OTUD4: variants seen among roughly 807,000 people sequenced by gnomAD.
The protein encoded by OTUD4 is OTU deubiquitinase 4, also known as OTU domain-containing protein 4.
A neutral mutation model predicts 130.4 loss-of-function variants in OTUD4; 24 were observed. That is an observed-to-expected ratio of 0.18 (90% CI 0.13 to 0.26). The LOEUF is 0.26. Ranked by LOEUF, OTUD4 falls within the 10% of genes least tolerant of loss-of-function variation. The pLI is 1.00. For synonymous variants in OTUD4, 420 were observed against 472.5 expected (o/e 0.89, Z 1.44); for missense variants, 1,031 against 1,329.4 (o/e 0.78, Z 3.49).
intron 3 of OTUD4, among the ~76,000 whole-genome samples, chr4:145,167,937 C>T (rs1446461831): frequency 6.6e-6 from 1 of 151,974 alleles, no homozygotes; most frequent in African/African-American, 2.4e-5. Flanking sequence ...TGATACGTAA[C>T]CTTCAGAATA....
chr4:145,139,280 G>A (rs1292078947), intron 20 of OTUD4, among the ~76,000 whole-genome samples: 2 of 152,092 alleles, frequency 1.3e-5, no homozygotes, highest in Non-Finnish European at 2.9e-5. Flanking sequence ...AAATAATCAA[G>A]TTTCTTTTTA....
rs542774005 is a variant in OTUD4 at position 145,136,591 on chromosome 4, G to A, written c.*839C>T. The A allele has an allele frequency of 6.8e-6, 1 of 147,744 alleles. No homozygotes were observed. The highest frequency in any genetic ancestry group is 2.5e-5 in the African/African-American group (1 of 40,144). The allele number at this position is 147,744 out of a possible 1,614,324, so 9.2% of individuals were successfully genotyped here. ...TTAAAGTGGCATTAAAAAAACTTCT[G>A]CAGTTCTAACTGATGCAGATTATTT... On this transcript the variant is annotated 3_prime_UTR_variant, in exon 21 of 21. Transcript: ENST00000447906.
intron 4 of OTUD4, among the ~76,000 whole-genome samples, chr4:145,164,712 G>C (rs1751760720): frequency 6.6e-6 from 1 of 151,932 alleles, no homozygotes; most frequent in Non-Finnish European, 1.5e-5. Flanking sequence ...AATTAGGGAT[G>C]CTCAACTGGG....
chr4:145,152,679 AC>A, intron 10 of OTUD4, 44 bp from the exon 11 acceptor site: 1 of 1,075,582 alleles, frequency 9.3e-7, no homozygotes, highest in Non-Finnish European at 1.4e-6. Flanking sequence ...AAAATCAGTC[AC>A]CTGCTTCCTT....
At chr4:145,147,106 T>C (rs985663855) in intron 13 of OTUD4, among the ~76,000 whole-genome samples, 1 of 152,210 alleles carries the variant, frequency 6.6e-6, no homozygotes, top group African/African-American at 2.4e-5. Context: ...CTTATAACTA[T>C]CAAAAGCAGT....
chr4:145,144,499 C>T, intron 14 of OTUD4, 65 bp from the exon 15 acceptor site: 1 of 1,474,520 alleles, frequency 6.8e-7, no homozygotes, highest in Non-Finnish European at 9.3e-7. Flanking sequence ...TGAACAAATT[C>T]TGTAATTAAT....
At chr4:145,142,430 TGCCTTTTATACAAATGAAGTACAAATA>T (rs1750609778) in intron 17 of OTUD4, 96 bp from the exon 18 acceptor site, 2 of 1,030,610 alleles carry the variant, frequency 1.9e-6, no homozygotes, top group Admixed American at 2.2e-5. Flanking sequence ...TTGAGTTGCC[TGCCTTTTATACAAATGAAGTACAAATA>T]GCCCTTATAG....
At chr4:145,149,772 G>A (rs532914018) in intron 13 of OTUD4, 2 of 152,280 alleles carry the variant, frequency 1.3e-5, no homozygotes, top group South Asian at 2.1e-4. Context: ...ACAGCTCTTC[G>A]GGCAATTGAG....
intron 10 of OTUD4, among the ~76,000 whole-genome samples, chr4:145,154,322 C>G (rs1167221899): frequency 6.6e-6 from 1 of 152,188 alleles, no homozygotes; most frequent in Non-Finnish European, 1.5e-5. Context: ...TTCTCCCTCA[C>G]CTTTAAATAC....
At chr4:145,142,414 T>C (rs1579244481) in intron 17 of OTUD4, 80 bp from the exon 18 acceptor site, 15 of 1,266,928 alleles carry the variant, frequency 1.2e-5, no homozygotes, top group Middle Eastern at 1.9e-4. Context: ...AACCACCAGA[T>C]ACATATTGAG....
intron 16 of OTUD4, 107 bp downstream of exon 16, chr4:145,143,839 A>T: frequency 1.3e-6 from 1 of 776,988 alleles, no homozygotes; most frequent in Non-Finnish European, 2.2e-6. Flanking sequence ...TTCCTAATAC[A>T]CAGCTATAAA....
In OTUD4 at chr4:145,137,900, C is replaced by T; in HGVS notation, c.2875G>A (p.Gly959Arg). The T allele has an allele frequency of 1.2e-6, 2 of 1,614,108 alleles. No homozygotes were observed. The highest frequency in any genetic ancestry group is 3.3e-5 in the Admixed American group (2 of 60,010). ...ATCTGAGTGGGAGGATGAGCCTTTC[C>T]CTCTGCTACAGGAGGGATGGAAGCC... The part of the protein sequence containing the change: ...ALASIPPVAE[G>R]KAHPPTQILN... Residue 959 changes from glycine (G) to arginine (R), a missense_variant, in exon 21 of 21, where the codon GGA (glycine) becomes AGA (arginine). Gly to Arg is a moderately radical substitution (Grantham distance 125). This residue lies in a region of OTUD4 where 900 missense variants were observed against 1,095.9 expected (regional missense o/e 0.82). Coordinates refer to ENST00000447906, the MANE Select transcript of OTUD4 (RefSeq NM_001366057.1).
chr4:145,143,509 G>T, intron 16 of OTUD4, 64 bp from the exon 17 acceptor site: 2 of 933,654 alleles, frequency 2.1e-6, no homozygotes, highest in African/African-American at 1.6e-5. Flanking sequence ...AATATTGATG[G>T]TTTCCTTTTA....
At chr4:145,171,492 A>G (rs1191675413) in intron 3 of OTUD4, among the ~76,000 whole-genome samples, 178 bp downstream of exon 3, 1 of 152,184 alleles carries the variant, frequency 6.6e-6, no homozygotes, top group East Asian at 1.9e-4. Context: ...GCAACCTCTA[A>G]CATATAGCTC....
chr4:145,146,418 C>T lies in OTUD4; in HGVS notation c.1271G>A (p.Arg424His), dbSNP rs1452207749. Residue 424 changes from arginine to histidine, a missense_variant, in exon 14 of 21, where the codon CGT becomes CAT. Physicochemically the swap from Arg to His is conservative, Grantham distance 29. Coordinates refer to ENST00000447906, the MANE Select transcript of OTUD4 (RefSeq NM_001366057.1). ...TPSQIIRKPDRERVEDFDHTS... is the reference protein window; with the variant it reads ...TPSQIIRKPDHERVEDFDHTS... ...GTGATCAAAATCCTCAACTCTTTCA[C>T]GATCAGGTTTTCTGTCAAATAAAAC... The T allele has an allele frequency of 3.9e-6, 6 of 1,546,232 alleles. No individual in the cohort carries two copies. The highest frequency in any genetic ancestry group is 5.2e-6 in the Non-Finnish European group (6 of 1,151,122).
intron 6 of OTUD4, 81 bp from the exon 7 acceptor site, chr4:145,159,716 C>T: frequency 2.3e-6 from 3 of 1,290,650 alleles, no homozygotes; most frequent in Non-Finnish European, 3.3e-6. Flanking sequence ...CACATTGTAA[C>T]TTTCTATTGC....
chr4:145,150,445 T>C (rs773129764), intron 13 of OTUD4, 68 bp downstream of exon 13: 17 of 1,060,174 alleles, frequency 1.6e-5, no homozygotes, highest in Non-Finnish European at 2.4e-5. Flanking sequence ...CAAATGCACA[T>C]AATGTGGCAA....
chr4:145,135,215 C>T lies in OTUD4; in HGVS notation c.*2215G>A, dbSNP rs936830270. On this transcript the variant is annotated 3_prime_UTR_variant, in exon 21 of 21. Coordinates refer to ENST00000447906, the MANE Select transcript of OTUD4 (RefSeq NM_001366057.1). ...ATTCTCTTTCAAGCACTTCTTCCAT[C>T]ATATCCTAGAGGTGAGATATGGGAA... 1.7e-4 allele frequency: 31 copies of T among 187,492 alleles called. No homozygotes were observed. The highest frequency in any genetic ancestry group is 7.0e-4 in the African/African-American group (30 of 43,024). 11.6% of individuals were successfully genotyped at this position (187,492 alleles called of 1,614,324 possible).
intron 2 of OTUD4, among the ~76,000 whole-genome samples, chr4:145,174,440 T>G (rs1216268302): frequency 6.6e-6 from 1 of 152,218 alleles, no homozygotes; most frequent in Non-Finnish European, 1.5e-5. Context: ...TCCATCATAG[T>G]AGCTTTCTAA....
Sources: gnomAD v4.1 joint callset for allele counts (sites outside exome capture counted in the v4.1 genomes callset) on GRCh38, gnomAD v4.1.1 for gene constraint, gnomAD v4.1.1 regional missense constraint, MANE v1.5 for transcripts, NCBI Gene and HGNC (gene_info 2026-07-23, HGNC 2026-07-21) for gene names.